Variants in PCDHA4 observed in about 807,000 individuals in gnomAD.
PCDHA4 encodes the protein protocadherin alpha-4.
Under a neutral mutation model 61.4 loss-of-function variants are expected in PCDHA4, and 49 were observed. That is an observed-to-expected ratio of 0.80 (90% CI 0.63 to 1.01). The LOEUF (loss-of-function observed/expected upper bound fraction) is 1.01. Ranked by LOEUF, PCDHA4 falls within the 50% of genes least tolerant of loss-of-function variation. The pLI is 0.00. For missense variants in PCDHA4, 1,254 were observed against 1,235.8 expected (o/e 1.01, Z -0.22); for synonymous variants, 590 against 550.3 (o/e 1.07, Z -1.01).
chr5:140,877,233 G>A (rs1554169499), intron 1 of PCDHA4: 2 of 1,613,676 alleles, frequency 1.2e-6, no homozygotes, highest in Non-Finnish European at 8.5e-7. Flanking sequence ...CGGTGGGTGC[G>A]GGCCACGTGG....
chr5:140,928,592 T>G (rs781970359), intron 1 of PCDHA4: 1 of 1,614,178 alleles, frequency 6.2e-7, no homozygotes, highest in Non-Finnish European at 8.5e-7. Context: ...TCTGTCCCAG[T>G]GGAAATTGTG....
At chr5:140,893,219 G>T (rs1273209081) in intron 1 of PCDHA4, among the ~76,000 whole-genome samples, 1 of 152,194 alleles carries the variant, frequency 6.6e-6, no homozygotes. Context: ...GGAGGTGCAG[G>T]TATCACTTTG....
At chr5:141,006,995 A>C (rs1277177404) in intron 3 of PCDHA4, among the ~76,000 whole-genome samples, 1 of 152,208 alleles carries the variant, frequency 6.6e-6, no homozygotes, top group Non-Finnish European at 1.5e-5. Flanking sequence ...TTAAAATATA[A>C]GTCTGCATCT....
intron 3 of PCDHA4, among the ~76,000 whole-genome samples, chr5:140,989,861 C>G (rs1449611550): frequency 6.6e-6 from 1 of 152,042 alleles, no homozygotes; most frequent in Non-Finnish European, 1.5e-5. Context: ...GGAGAGGAAT[C>G]TTTCTCTGCC....
At chr5:140,941,240 T>TTTC (rs2092939181) in intron 1 of PCDHA4, among the ~76,000 whole-genome samples, 2 of 141,590 alleles carry the variant, frequency 1.4e-5, no homozygotes, top group Non-Finnish European at 3.0e-5. Flanking sequence ...TCTTTCTTTC[T>TTTC]TTCTTTCTTT....
intron 1 of PCDHA4, chr5:140,966,947 G>A (rs782439197): frequency 6.2e-7 from 1 of 1,603,520 alleles, no homozygotes; most frequent in Middle Eastern, 1.7e-4. Context: ...CGTGGGCAAC[G>A]TGGCTCGCGC....
Position 140,809,192 on chromosome 5 carries a change from C to G in PCDHA4, c.2005C>G (p.Leu669Val). The change falls in exon 1 of 4, where the codon CTT (leucine) becomes GTT (valine). Residue 669 changes from leucine to valine, a missense_variant. Coordinates refer to ENST00000530339, the MANE Select transcript of PCDHA4 (RefSeq NM_018907.4). The stretch of plus-strand genomic sequence containing the variant: ...GGCCACGGCCACTGTGCTGGTGTCA[C>G]TTGTGGAGAGTGGACAGGCGCCAAA... Reference protein sequence around the residue: ...LTATATVLVSLVESGQAPKAS... With the variant: ...LTATATVLVSVVESGQAPKAS... 1 of 1,614,052 alleles carries G rather than the reference C, an allele frequency of 6.2e-7. No individual in the cohort carries two copies. The highest frequency in any genetic ancestry group is 8.5e-7 in the Non-Finnish European group (1 of 1,179,950).
intron 1 of PCDHA4, chr5:140,842,837 A>G: frequency 6.3e-7 from 1 of 1,593,660 alleles, no homozygotes; most frequent in South Asian, 1.1e-5. Context: ...CTCGCTGTCG[A>G]GCTACATTTC....
At chr5:140,884,046 A>T in intron 1 of PCDHA4, 1 of 1,613,474 alleles carries the variant, frequency 6.2e-7, no homozygotes, top group Non-Finnish European at 8.5e-7. Flanking sequence ...GTGGTGGCGA[A>T]GGTGCGCGCG....
chr5:140,967,212 C>T, intron 1 of PCDHA4: 1 of 1,613,630 alleles, frequency 6.2e-7, no homozygotes, highest in Middle Eastern at 1.6e-4. Flanking sequence ...CCGCGTTTCC[C>T]GCGGCCCAAC....
chr5:140,892,233 C>G (rs1199614913), intron 1 of PCDHA4, among the ~76,000 whole-genome samples: 1 of 152,082 alleles, frequency 6.6e-6, no homozygotes, highest in Non-Finnish European at 1.5e-5. Context: ...TGTTTTGTCT[C>G]CACATAAACC....
chr5:140,836,612 C>G, intron 1 of PCDHA4: 2 of 1,613,634 alleles, frequency 1.2e-6, no homozygotes, highest in Non-Finnish European at 1.7e-6. Flanking sequence ...TGTGCTCCAG[C>G]GCGGTGGGGA....
intron 1 of PCDHA4, among the ~76,000 whole-genome samples, chr5:140,937,096 G>A (rs1173485186): frequency 6.8e-6 from 1 of 146,810 alleles, no homozygotes; most frequent in Non-Finnish European, 1.5e-5. Context: ...GGAGTGCAGT[G>A]GCGCAGTCTC....
chr5:140,849,243 A>G, intron 1 of PCDHA4: 1 of 1,073,288 alleles, frequency 9.3e-7, no homozygotes, highest in Non-Finnish European at 1.3e-6. Context: ...GTATACGGTG[A>G]AATTACCAGA....
At chr5:140,881,321 T>C (rs1396829121) in intron 1 of PCDHA4, 1 of 983,920 alleles carries the variant, frequency 1.0e-6, no homozygotes, top group Non-Finnish European at 1.2e-6. Context: ...TTAAATTCTA[T>C]TTAACCAGGA....
At chr5:140,942,332 C>T (rs2093271266) in intron 1 of PCDHA4, among the ~76,000 whole-genome samples, 1 of 151,760 alleles carries the variant, frequency 6.6e-6, no homozygotes, top group Non-Finnish European at 1.5e-5. Flanking sequence ...ATCACTTGAA[C>T]CAGAGGGAGG....
chr5:140,968,232 G>T, intron 1 of PCDHA4: 2 of 1,613,990 alleles, frequency 1.2e-6, no homozygotes, highest in Non-Finnish European at 1.7e-6. Context: ...GTGTTGCTCT[G>T]TACTGTGCAA....
intron 1 of PCDHA4, chr5:140,836,934 A>G (rs904378131): frequency 1.9e-5 from 9 of 477,852 alleles, no homozygotes; most frequent in Non-Finnish European, 2.9e-5. Context: ...GCGTAATACT[A>G]TAGATCAAAA....
chr5:140,871,008 C>A lies in PCDHA4; in HGVS notation c.2385+61436C>A, dbSNP rs782247452. Reference sequence around the variant, plus strand: ...CGGGCGAGATAAGCACAACGCGTGCCCTGGACGAGGCAGACTCGCCGCGCC... The same window carrying A: ...CGGGCGAGATAAGCACAACGCGTGCACTGGACGAGGCAGACTCGCCGCGCC... On this transcript the variant is annotated intron_variant, in intron 1 of 3. Transcript: ENST00000530339. The A allele has an allele frequency of 5.6e-6, 9 of 1,613,284 alleles. No homozygotes were observed. The African/African-American group carries it at 1.1e-4, about 19-fold the overall frequency.
Sources: gnomAD v4.1 joint callset for allele counts (sites outside exome capture counted in the v4.1 genomes callset) on GRCh38, gnomAD v4.1.1 for gene constraint, MANE v1.5 for transcripts, NCBI Gene and HGNC (gene_info 2026-07-23, HGNC 2026-07-21) for gene names.